OPCML: variants seen among roughly 807,000 people sequenced by gnomAD.
OPCML encodes the protein opioid binding protein/cell adhesion molecule like.
In OPCML, 13 loss-of-function variants were observed where a neutral mutation model predicts 37.8. The observed-to-expected ratio is 0.34, with a 90% confidence interval of 0.22 to 0.55. The LOEUF is 0.55. OPCML is among the 20% of genes least tolerant of loss of function. The pLI is 0.91. For synonymous variants in OPCML, 176 were observed against 168.8 expected (o/e 1.04, Z -0.33); for missense variants, 341 against 435.6 (o/e 0.78, Z 1.93).
chr11:132,766,099 TAA>T (rs149991877), intron 2 of OPCML, among the ~76,000 whole-genome samples: 1 of 148,796 alleles, frequency 6.7e-6, no homozygotes, highest in African/African-American at 2.5e-5. Flanking sequence ...GCTTATAATT[TAA>T]AAAAAAAAAA....
chr11:133,472,864 C>G (rs1162165067), intron 1 of OPCML, among the ~76,000 whole-genome samples: 1 of 152,014 alleles, frequency 6.6e-6, no homozygotes, highest in African/African-American at 2.4e-5. Context: ...ATCCTAATAA[C>G]TGGAACAGGA....
intron 3 of OPCML, among the ~76,000 whole-genome samples, chr11:132,622,127 G>A (rs1939447422): frequency 6.6e-6 from 1 of 151,436 alleles, no homozygotes. Context: ...TCTGTTCCAA[G>A]AAGAATGATG....
rs937828794 is a variant in OPCML, at chr11:132,420,094, A to G, written c.*99T>C. The G allele has an allele frequency of 1.6e-5, 16 of 972,030 alleles. No individual in the cohort carries two copies. Among genetic ancestry groups the G allele is most frequent in the Non-Finnish European group, 2.3e-5 (15 of 650,498 alleles). 60.2% of individuals were successfully genotyped at this position (972,030 alleles called of 1,614,324 possible). A position where few individuals can be genotyped will look rare whatever the true frequency, so the allele number is the denominator to read the frequency against. On this transcript the variant is annotated 3_prime_UTR_variant, in exon 8 of 8. Transcript: ENST00000524381. ...GAAAACAAATCTAGAATAACAGAAA[A>G]AAACAAAAAGAAGCCCAAGCTGGTT...
At chr11:133,034,675 A>G (rs1419875830) in intron 1 of OPCML, among the ~76,000 whole-genome samples, 3 of 152,112 alleles carry the variant, frequency 2.0e-5, no homozygotes, top group Non-Finnish European at 2.9e-5. Flanking sequence ...AAGGAGATCT[A>G]TGATGCTTAG....
intron 1 of OPCML, among the ~76,000 whole-genome samples, chr11:133,209,009 T>C (rs1358867654): frequency 6.6e-6 from 1 of 152,196 alleles, no homozygotes; most frequent in Non-Finnish European, 1.5e-5. Context: ...ACATGACCAA[T>C]TCCTATTGTA....
chr11:132,603,048 T>C (rs1430291448), intron 3 of OPCML, among the ~76,000 whole-genome samples: 1 of 152,214 alleles, frequency 6.6e-6, no homozygotes, highest in African/African-American at 2.4e-5. Flanking sequence ...CTACAAAACT[T>C]GTACAAATTT....
chr11:132,532,112 T>C (rs904274844), intron 3 of OPCML, among the ~76,000 whole-genome samples: 1 of 152,178 alleles, frequency 6.6e-6, no homozygotes, highest in African/African-American at 2.4e-5. Context: ...GATTAAGAGA[T>C]ATGTAAAATT....
chr11:132,800,714 G>T (rs142974839), intron 2 of OPCML, among the ~76,000 whole-genome samples: 42 of 152,238 alleles, frequency 2.8e-4, no homozygotes, highest in Admixed American at 2.7e-3. Flanking sequence ...TACATTAATT[G>T]ATTTTAAGAC....
intron 1 of OPCML, among the ~76,000 whole-genome samples, chr11:133,375,971 C>T (rs1473029835): frequency 6.6e-6 from 1 of 152,172 alleles, no homozygotes; most frequent in Admixed American, 6.5e-5. Flanking sequence ...GTTCAAGGAA[C>T]AGAGCCAGGG....
At chr11:133,049,383 A>T (rs1417165649) in intron 1 of OPCML, among the ~76,000 whole-genome samples, 7 of 152,122 alleles carry the variant, frequency 4.6e-5, no homozygotes, top group African/African-American at 7.2e-5. Context: ...GGGGTAGTGG[A>T]GTGAGCCCTG....
At chr11:133,245,954 C>T (rs1940907739) in intron 1 of OPCML, among the ~76,000 whole-genome samples, 1 of 152,048 alleles carries the variant, frequency 6.6e-6, no homozygotes, top group South Asian at 2.1e-4. Flanking sequence ...ACATCACACA[C>T]TGGGTCCTAT....
intron 1 of OPCML, among the ~76,000 whole-genome samples, chr11:133,291,653 G>A (rs1942477836): frequency 6.6e-6 from 1 of 152,164 alleles, no homozygotes; most frequent in Non-Finnish European, 1.5e-5. Flanking sequence ...TTGGCAAACG[G>A]TGAGATCACA....
At chr11:132,907,629 CAA>C (rs36051091) in intron 2 of OPCML, among the ~76,000 whole-genome samples, 7,514 of 122,616 alleles carry the variant, frequency 0.061, 666 homozygotes, top group African/African-American at 0.21. Flanking sequence ...AACTCTGTCT[CAA>C]AAAAAAAAAA....
At chr11:133,220,720 G>C (rs1340432126) in intron 1 of OPCML, among the ~76,000 whole-genome samples, 1 of 152,094 alleles carries the variant, frequency 6.6e-6, no homozygotes, top group Non-Finnish European at 1.5e-5. Context: ...AAGTCTCAGA[G>C]AGCAAAGTCT....
chr11:133,150,659 C>T (rs1357432293), intron 1 of OPCML, among the ~76,000 whole-genome samples: 1 of 152,198 alleles, frequency 6.6e-6, no homozygotes, highest in Non-Finnish European at 1.5e-5. Flanking sequence ...CACCCCAGCA[C>T]CCACTGTGCA....
chr11:132,633,531 C>T (rs981675082), intron 3 of OPCML, among the ~76,000 whole-genome samples: 8 of 152,138 alleles, frequency 5.3e-5, no homozygotes, highest in Admixed American at 1.3e-4. Flanking sequence ...ACCCCACTCC[C>T]CCAGTCACAG....
At position 132,527,890 on chromosome 11, in the gene OPCML, A is replaced by T. The variant is rs571098762; in HGVS notation, c.505+1171T>A. On this transcript the variant is annotated intron_variant, in intron 4 of 7. Coordinates refer to ENST00000524381, the MANE Select transcript of OPCML (RefSeq NM_001012393.5). ...GAACAACTTGGACACAGATGCATCT[A>T]GGAAGAGGGCCATGTGAAGATGAAG... 3.0e-4 allele frequency among the ~76,000 whole-genome samples: 46 copies of T among 151,820 alleles called. No individual in the cohort carries two copies. In the South Asian group the frequency reaches 9.4e-3, roughly 31 times the overall value.
chr11:133,216,710 G>T (rs2136352558), intron 1 of OPCML, among the ~76,000 whole-genome samples: 1 of 152,252 alleles, frequency 6.6e-6, no homozygotes, highest in South Asian at 2.1e-4. Flanking sequence ...ATTCAAACTT[G>T]GAACTATCTA....
At chr11:133,397,694 G>T (rs1300585102) in intron 1 of OPCML, among the ~76,000 whole-genome samples, 1 of 152,242 alleles carries the variant, frequency 6.6e-6, no homozygotes, top group Non-Finnish European at 1.5e-5. Flanking sequence ...AGCCGAGACA[G>T]CATTTTCCTT....
Sources: gnomAD v4.1 joint callset for allele counts (sites outside exome capture counted in the v4.1 genomes callset) on GRCh38, gnomAD v4.1.1 for gene constraint, MANE v1.5 for transcripts, NCBI Gene and HGNC (gene_info 2026-07-23, HGNC 2026-07-21) for gene names.